The following WDR59 variants were observed in gnomAD, a reference collection of about 807,000 sequenced individuals.
WDR59 encodes the protein GATOR2 complex protein WDR59.
A neutral mutation model predicts 131.2 loss-of-function variants in WDR59; 100 were observed. That is an observed-to-expected ratio of 0.76 (90% CI 0.65 to 0.90). WDR59 has a LOEUF of 0.90. Among genes scored for constraint, WDR59 ranks in the 40% least tolerant of loss-of-function variants. The probability of loss-of-function intolerance (pLI) is 0.00; values close to 1 mark genes in which losing one functional copy is unlikely to be tolerated. For synonymous variants in WDR59, 601 were observed against 466.2 expected (o/e 1.29, Z -3.72); for missense variants, 1,203 against 1,262.2 (o/e 0.95, Z 0.71).
Position 74,951,181 on chromosome 16 carries a change from A to T in WDR59, c.326+277T>A, listed in dbSNP as rs1011638690. Among the ~76,000 whole-genome samples, 6 of 146,610 alleles carry T rather than the reference A, an allele frequency of 4.1e-5. No individual in the cohort carries two copies. In the South Asian group the frequency reaches 8.9e-4, roughly 22 times the overall value. On this transcript the variant is annotated intron_variant, in intron 4 of 25. Transcript: ENST00000262144. ...TCTCAAAAAAAAAAAAAAAAAAAAAAGTCAGCTCTAATCCTTTACCCTGGA... is the reference window on the plus strand; with the variant it reads ...TCTCAAAAAAAAAAAAAAAAAAAAATGTCAGCTCTAATCCTTTACCCTGGA...
rs191046800 is a variant in WDR59 at position 74,983,074 on chromosome 16, C to T, written c.54+1890G>A. ...AATGAAAAGAATGGCCAGGCACAGT[C>T]GCTCACACCTGTAATCCCAATATTT... On this transcript the variant is annotated intron_variant, in intron 1 of 25. Coordinates refer to ENST00000262144, the MANE Select transcript of WDR59 (RefSeq NM_030581.4). 3.1e-4 allele frequency among the ~76,000 whole-genome samples: 47 copies of T among 152,282 alleles called. 1 individual carries two copies. The highest frequency in any genetic ancestry group is 1.0e-3 in the African/African-American group (43 of 41,562).
Position 74,917,962 on chromosome 16 carries a change from C to T in WDR59, c.933G>A (p.Leu311=). 2 of 1,614,096 alleles carry T rather than the reference C, an allele frequency of 1.2e-6. No homozygotes were observed. Among genetic ancestry groups the T allele is most frequent in the African/African-American group, 1.3e-5 (1 of 75,022 alleles). The change falls in exon 11 of 26, where the codon TTG becomes TTA. Residue 311 remains leucine (L), a synonymous_variant. Coordinates refer to ENST00000262144, the MANE Select transcript of WDR59 (RefSeq NM_030581.4). ...QLVTWSRDQT[L]RMWRVDSQMQ... is the part of the protein sequence containing the mutation. ...TCTGGGAATCCACCCGCCACATTCT[C>T]AAGGTCTGATCCCGGGACCACGTCA...
rs1203469151 is a variant in WDR59 at position 74,982,047 on chromosome 16, G to A, written c.54+2917C>T. On this transcript the variant is annotated intron_variant, in intron 1 of 25. Transcript: ENST00000262144. ...GCAGCAGGAAAATCACTTGAACCTC[G>A]GAGTTCAAGACCACCTGGGCAAGAT... 9.0e-5 allele frequency among the ~76,000 whole-genome samples: 13 copies of A among 144,550 alleles called. No individual in the cohort carries two copies. The South Asian group carries it at 1.5e-3, about 17-fold the overall frequency. 94.8% of individuals were successfully genotyped at this position (144,550 alleles called of 152,430 possible). A position where few individuals can be genotyped will look rare whatever the true frequency, so the allele number is the denominator to read the frequency against.
intron 7 of WDR59, 152 bp downstream of exon 7, chr16:74,942,586 T>C: frequency 3.1e-6 from 2 of 646,816 alleles, no homozygotes; most frequent in Middle Eastern, 3.3e-4. Context: ...GAGACGCAAA[T>C]ATCGTCTGGT....
intron 25 of WDR59, among the ~76,000 whole-genome samples, chr16:74,877,405 C>T (rs930131556): frequency 2.0e-5 from 3 of 152,138 alleles, no homozygotes; most frequent in Non-Finnish European, 4.4e-5. Context: ...CCTTACAGCA[C>T]CAAAATTATC....
intron 1 of WDR59, among the ~76,000 whole-genome samples, chr16:74,969,801 C>T (rs1159555337): frequency 2.0e-5 from 3 of 151,536 alleles, no homozygotes; most frequent in Non-Finnish European, 2.9e-5. Flanking sequence ...CTAAGGTGAT[C>T]GCCACCTCAG....
chr16:74,908,636 G>C (rs1157012450), intron 17 of WDR59: 1 of 357,160 alleles, frequency 2.8e-6, no homozygotes, highest in African/African-American at 2.1e-5. Context: ...GCTAGCAATA[G>C]GGGAAAGGCA....
chr16:74,967,353 G>A (rs1027126714), intron 1 of WDR59, among the ~76,000 whole-genome samples: 1 of 152,186 alleles, frequency 6.6e-6, no homozygotes, highest in Non-Finnish European at 1.5e-5. Context: ...GTAAGGAGAT[G>A]ATAAGGAGGA....
At chr16:74,930,892 C>CAAAAAAAAAAAAAAAAAAAACAAAAA (rs2031320268) in intron 8 of WDR59, 1 of 79,628 alleles carries the variant, frequency 1.3e-5, no homozygotes, top group Non-Finnish European at 2.2e-5. Context: ...GACTCCATCT[C>CAAAAAAAAAAAAAAAAAAAACAAAAA]AAAAAAAAAA....
intron 1 of WDR59, among the ~76,000 whole-genome samples, chr16:74,980,643 C>A (rs1039697142): frequency 5.9e-5 from 9 of 151,998 alleles, no homozygotes; most frequent in African/African-American, 1.9e-4. Context: ...CGTTAGCCTA[C>A]GCCCAGCCAA....
At chr16:74,907,009 A>G (rs1336101984) in intron 17 of WDR59, among the ~76,000 whole-genome samples, 1 of 152,220 alleles carries the variant, frequency 6.6e-6, no homozygotes, top group African/African-American at 2.4e-5. Context: ...CCTCCAATCC[A>G]AAGTCCAGAT....
chr16:74,921,930 A>T lies in WDR59; in HGVS notation c.886+17T>A. On this transcript the variant is annotated intron_variant, in intron 10 of 25. Coordinates refer to ENST00000262144, the MANE Select transcript of WDR59 (RefSeq NM_030581.4). ...AGAGCTCAGAAGGAAAGTGGGCAGC[A>T]GGCCTCTCCCACTCACCTTCCTTCT... is the stretch of plus-strand genomic sequence containing the variant. 6.2e-7 allele frequency: 1 copy of T among 1,611,766 alleles called. No homozygotes were observed. Among genetic ancestry groups the T allele is most frequent in the Non-Finnish European group, 8.5e-7 (1 of 1,179,068 alleles).
intron 2 of WDR59, among the ~76,000 whole-genome samples, chr16:74,961,061 T>C (rs529389948): frequency 5.5e-4 from 83 of 152,076 alleles, no homozygotes; most frequent in African/African-American, 2.0e-3. Context: ...TCCCAGCATT[T>C]TGGGGGGCCA....
chr16:74,948,605 C>G, intron 5 of WDR59, 49 bp from the exon 6 acceptor site: 3 of 1,460,014 alleles, frequency 2.1e-6, no homozygotes, highest in Non-Finnish European at 2.9e-6. Flanking sequence ...ATGCCACCAC[C>G]CACCTGGTAT....
At chr16:74,892,404 C>A in intron 20 of WDR59, 80 bp downstream of exon 20, 1 of 1,186,674 alleles carries the variant, frequency 8.4e-7, no homozygotes, top group South Asian at 1.3e-5. Context: ...TTGAAAATGT[C>A]ATTAAATGCC....
At chr16:74,958,675 C>A (rs2033423161) in intron 2 of WDR59, among the ~76,000 whole-genome samples, 1 of 146,584 alleles carries the variant, frequency 6.8e-6, no homozygotes, top group African/African-American at 2.5e-5. Flanking sequence ...AAGCAAGTTG[C>A]TTCCCCCCAA....
intron 18 of WDR59, among the ~76,000 whole-genome samples, chr16:74,899,471 T>C (rs1020064919): frequency 2.0e-5 from 3 of 151,958 alleles, no homozygotes; most frequent in African/African-American, 4.8e-5. Flanking sequence ...GCCAAAAGAG[T>C]CCATTCAGGA....
At chr16:74,875,912 C>T (rs1027240855) in intron 25 of WDR59, among the ~76,000 whole-genome samples, 11 of 152,168 alleles carry the variant, frequency 7.2e-5, no homozygotes, top group Admixed American at 1.3e-4. Flanking sequence ...TAGCCCTGCG[C>T]GGAGCCTGTG....
At chr16:74,881,530 A>C (rs1363776611) in intron 25 of WDR59, among the ~76,000 whole-genome samples, 1 of 152,112 alleles carries the variant, frequency 6.6e-6, no homozygotes, top group African/African-American at 2.4e-5. Context: ...CCTGTATTGA[A>C]GCAGCCCAGT....
Sources: gnomAD v4.1 joint callset for allele counts (sites outside exome capture counted in the v4.1 genomes callset) on GRCh38, gnomAD v4.1.1 for gene constraint, MANE v1.5 for transcripts, NCBI Gene and HGNC (gene_info 2026-07-23, HGNC 2026-07-21) for gene names.